Variants in MTFMT observed in about 807,000 individuals in gnomAD.
MTFMT encodes the protein methionyl-tRNA formyltransferase, mitochondrial.
A neutral mutation model predicts 51.8 loss-of-function variants in MTFMT; 47 were observed. That is an observed-to-expected ratio of 0.91 (90% CI 0.72 to 1.16). MTFMT has a LOEUF of 1.16. Among genes scored for constraint, MTFMT ranks in the 50% most tolerant of loss-of-function variants. MTFMT has a pLI of 0.00. For missense variants in MTFMT, 512 were observed against 482.3 expected (o/e 1.06, Z -0.58); for synonymous variants, 196 against 176.7 (o/e 1.11, Z -0.87).
Position 65,001,913 on chromosome 15 carries a change from A to C in MTFMT, c.*1149T>G, listed in dbSNP as rs2086179408. On this transcript the variant is annotated 3_prime_UTR_variant, in exon 9 of 9. Coordinates refer to ENST00000220058, the MANE Select transcript of MTFMT (RefSeq NM_139242.4). ...AAATCTGGATGTAAAATGTTAATTT[A>C]TAGTACAGATCAATGTGGCAGAGAT... is the stretch of plus-strand genomic sequence containing the variant. 1 of 152,182 alleles carries C rather than the reference A, an allele frequency of 6.6e-6. No homozygotes were observed. Among genetic ancestry groups the C allele is most frequent in the South Asian group, 2.1e-4 (1 of 4,828 alleles). 9.4% of individuals were successfully genotyped at this position (152,182 alleles called of 1,614,324 possible). A position where few individuals can be genotyped will look rare whatever the true frequency, so the allele number is the denominator to read the frequency against.
intron 6 of MTFMT, among the ~76,000 whole-genome samples, chr15:65,008,818 TA>T (rs2086239530): frequency 1.3e-5 from 2 of 152,218 alleles, no homozygotes; most frequent in African/African-American, 4.8e-5. Context: ...TTCTTTTAAA[TA>T]ACTCAAAATA....
At chr15:65,018,905 T>C (rs1595891122) in intron 5 of MTFMT, among the ~76,000 whole-genome samples, 1 of 152,350 alleles carries the variant, frequency 6.6e-6, no homozygotes, top group East Asian at 1.9e-4. Context: ...ATTAAGCCCC[T>C]GTCCCCATTT....
chr15:65,029,337 G>A (rs1161570852), intron 1 of MTFMT, 68 bp downstream of exon 1: 4 of 1,346,950 alleles, frequency 3.0e-6, no homozygotes, highest in African/African-American at 3.1e-5. Flanking sequence ...AAAACCCTCG[G>A]GGCCGGCCGC....
At chr15:65,025,216 G>T (rs973228225) in intron 2 of MTFMT, among the ~76,000 whole-genome samples, 1 of 140,424 alleles carries the variant, frequency 7.1e-6, no homozygotes, top group Non-Finnish European at 1.5e-5. Context: ...GCCACATAGC[G>T]AGATCCCTGT....
chr15:65,023,614 A>G (rs976500009), intron 3 of MTFMT, 58 bp downstream of exon 3: 1 of 1,577,580 alleles, frequency 6.3e-7, no homozygotes, highest in Admixed American at 1.7e-5. Flanking sequence ...CCCCCCAAAC[A>G]GGCTGACATC....
At chr15:65,005,238 G>A (rs772602104) in intron 7 of MTFMT, among the ~76,000 whole-genome samples, 1 of 152,184 alleles carries the variant, frequency 6.6e-6, no homozygotes, top group Non-Finnish European at 1.5e-5. Flanking sequence ...CTAGCCAACA[G>A]GGGGAAATAC....
intron 1 of MTFMT, among the ~76,000 whole-genome samples, chr15:65,027,265 T>C (rs949599042): frequency 6.6e-5 from 10 of 151,654 alleles, no homozygotes; most frequent in African/African-American, 2.4e-4. Context: ...TGGAGCGATC[T>C]CAGCTCACTG....
At chr15:65,004,002 T>C (rs1383400782) in intron 8 of MTFMT, among the ~76,000 whole-genome samples, 2 of 151,824 alleles carry the variant, frequency 1.3e-5, no homozygotes, top group African/African-American at 4.8e-5. Context: ...GATCAATCTA[T>C]CACACATTTT....
In MTFMT at chr15:65,003,074, T is replaced by C. The variant is rs773507480; in HGVS notation, c.1158A>G (p.Gln386=). 32 of 1,594,286 alleles carry C rather than the reference T, an allele frequency of 2.0e-5. No homozygotes were observed. Among genetic ancestry groups the C allele is most frequent in the Non-Finnish European group, 2.7e-5 (31 of 1,168,410 alleles). Residue 386 remains glutamine (Q), a synonymous_variant, in exon 9 of 9, where the codon CAA becomes CAG. Transcript: ENST00000220058. ...KKQKKTVAMQ[Q]CIE ...ATCTTCTTCCTAACTACTCAATGCA[T>C]TGTTGCATAGCAACAGTTTTTTTCT... is the stretch of plus-strand genomic sequence containing the variant.
At chr15:65,004,289 T>C (rs1248145307) in intron 8 of MTFMT, among the ~76,000 whole-genome samples, 1 of 152,148 alleles carries the variant, frequency 6.6e-6, no homozygotes, top group Non-Finnish European at 1.5e-5. Flanking sequence ...AGTGCTGGGA[T>C]AACATGTGTG....
intron 1 of MTFMT, chr15:65,029,136 A>G: frequency 1.0e-5 from 4 of 388,520 alleles, no homozygotes; most frequent in Non-Finnish European, 1.4e-5. Context: ...GCCCAGCCCC[A>G]GCTCGGCACA....
chr15:65,027,094 A>T (rs951517603), intron 1 of MTFMT, 54 bp from the exon 2 acceptor site: 7 of 1,313,314 alleles, frequency 5.3e-6, no homozygotes, highest in Non-Finnish European at 7.6e-6. Flanking sequence ...ACTCAAAGCT[A>T]AAACTACTTC....
chr15:65,013,284 C>T (rs376903277), intron 6 of MTFMT, among the ~76,000 whole-genome samples: 4 of 113,162 alleles, frequency 3.5e-5, no homozygotes, highest in Admixed American at 3.4e-4. Context: ...TTTCTTTCTT[C>T]TTCTTTTTTT....
At chr15:65,023,039 CTCTT>C (rs1419146289) in intron 3 of MTFMT, among the ~76,000 whole-genome samples, 1 of 151,940 alleles carries the variant, frequency 6.6e-6, no homozygotes, top group Non-Finnish European at 1.5e-5. Flanking sequence ...TCTACTCTCT[CTCTT>C]GTTTTCTGAA....
chr15:65,014,048 G>A (rs1321384612), intron 6 of MTFMT, among the ~76,000 whole-genome samples: 2 of 151,868 alleles, frequency 1.3e-5, no homozygotes, highest in Non-Finnish European at 2.9e-5. Context: ...TGCTAACTCT[G>A]TGGAGGACTT....
At chr15:65,027,202 CTTT>C (rs544080836) in intron 1 of MTFMT, among the ~76,000 whole-genome samples, 162 bp from the exon 2 acceptor site, 2 of 143,982 alleles carry the variant, frequency 1.4e-5, no homozygotes, top group Non-Finnish European at 1.5e-5. Context: ...TTTTCTTTTT[CTTT>C]TTTTTTTTTT....
intron 5 of MTFMT, among the ~76,000 whole-genome samples, chr15:65,019,464 C>A (rs1344415841): frequency 6.6e-6 from 1 of 151,248 alleles, no homozygotes; most frequent in African/African-American, 2.4e-5. Context: ...AAGAAGAAAA[C>A]AAATGTCACT....
intron 1 of MTFMT, among the ~76,000 whole-genome samples, chr15:65,028,353 T>C (rs527350829): frequency 1.3e-5 from 2 of 152,216 alleles, no homozygotes; most frequent in East Asian, 3.8e-4. Flanking sequence ...AGGTCGAGGC[T>C]GCAGTGAGCT....
chr15:65,011,633 A>C (rs1259456086), intron 6 of MTFMT, among the ~76,000 whole-genome samples: 1 of 151,290 alleles, frequency 6.6e-6, no homozygotes, highest in African/African-American at 2.4e-5. Context: ...AGTAGCTAGG[A>C]CCACAGGTGT....
Sources: allele counts gnomAD v4.1 joint callset (sites outside exome capture counted in the v4.1 genomes callset), GRCh38; gene constraint gnomAD v4.1.1; transcripts MANE v1.5; gene names NCBI Gene and HGNC (gene_info 2026-07-23, HGNC 2026-07-21).